Variants in NKAIN3 observed in about 807,000 individuals in gnomAD.
The protein encoded by NKAIN3 is sodium/potassium transporting ATPase interacting 3.
A neutral mutation model predicts 30.2 loss-of-function variants in NKAIN3; 25 were observed. The observed-to-expected ratio is 0.83, with a 90% CI of 0.60 to 1.16. NKAIN3 has a LOEUF of 1.16. Among genes scored for constraint, NKAIN3 ranks in the 50% most tolerant of loss-of-function variants. NKAIN3 has a pLI of 0.00. For synonymous variants in NKAIN3, 91 were observed against 89.6 expected (o/e 1.02, Z -0.09); for missense variants, 225 against 254.1 (o/e 0.89, Z 0.78).
chr8:62,293,343 A>T (rs941699105), intron 1 of NKAIN3, among the ~76,000 whole-genome samples: 1 of 152,110 alleles, frequency 6.6e-6, no homozygotes, highest in African/African-American at 2.4e-5. Context: ...CTTTTCTGCT[A>T]TGGTTTCTCT....
chr8:62,802,323 T>A (rs972009393), intron 4 of NKAIN3, among the ~76,000 whole-genome samples: 6 of 152,102 alleles, frequency 3.9e-5, no homozygotes, highest in African/African-American at 1.4e-4. Context: ...GTTGTCAGAT[T>A]CACCAAAGTT....
At chr8:62,906,217 G>C (rs60377311) in intron 4 of NKAIN3, among the ~76,000 whole-genome samples, 44,256 of 152,164 alleles carry the variant, frequency 0.29, 6,751 homozygotes, top group African/African-American at 0.36. Context: ...AACAGTAATA[G>C]ACTAATTTGT....
At chr8:62,685,448 T>G (rs901271524) in intron 3 of NKAIN3, among the ~76,000 whole-genome samples, 3 of 152,202 alleles carry the variant, frequency 2.0e-5, no homozygotes, top group Non-Finnish European at 4.4e-5. Flanking sequence ...AAGCTATAAT[T>G]TTTTACTTCT....
chr8:62,678,669 T>A (rs773100445), intron 3 of NKAIN3, among the ~76,000 whole-genome samples: 15 of 150,414 alleles, frequency 1.0e-4, no homozygotes, highest in Non-Finnish European at 2.1e-4. Flanking sequence ...ATTATATCAT[T>A]ACATTGATAA....
intron 1 of NKAIN3, among the ~76,000 whole-genome samples, chr8:62,410,500 C>T (rs547588308): frequency 6.6e-6 from 1 of 151,704 alleles, no homozygotes; most frequent in Non-Finnish European, 1.5e-5. Flanking sequence ...GGGTTAAGCT[C>T]TAAAATTATA....
chr8:62,828,743 C>A (rs1298142430), intron 4 of NKAIN3, among the ~76,000 whole-genome samples: 1 of 152,114 alleles, frequency 6.6e-6, no homozygotes, highest in East Asian at 1.9e-4. Flanking sequence ...TCTACCTTGA[C>A]ATGGAACACT....
chr8:62,878,755 T>G (rs1381320569), intron 4 of NKAIN3, among the ~76,000 whole-genome samples: 1 of 148,098 alleles, frequency 6.8e-6, no homozygotes, highest in Non-Finnish European at 1.5e-5. Flanking sequence ...AGTGAGAACA[T>G]GCGGTGTTTG....
At chr8:62,778,912 T>C (rs1817268163) in intron 4 of NKAIN3, among the ~76,000 whole-genome samples, 1 of 152,070 alleles carries the variant, frequency 6.6e-6, no homozygotes, top group Admixed American at 6.6e-5. Context: ...CCAAAGGCTC[T>C]TCAGTTAGCA....
intron 1 of NKAIN3, among the ~76,000 whole-genome samples, chr8:62,437,881 A>G (rs1210485093): frequency 6.6e-6 from 1 of 152,236 alleles, no homozygotes; most frequent in African/African-American, 2.4e-5. Context: ...AAAATTAAAA[A>G]TAATTTTAAA....
chr8:62,800,998 G>A (rs908345246), intron 4 of NKAIN3, among the ~76,000 whole-genome samples: 47 of 152,192 alleles, frequency 3.1e-4, no homozygotes, highest in Non-Finnish European at 6.0e-4. Context: ...CTACACCCAC[G>A]GAGTCTCACT....
intron 4 of NKAIN3, among the ~76,000 whole-genome samples, chr8:62,791,147 T>A (rs1309604055): frequency 6.6e-6 from 1 of 152,026 alleles, no homozygotes; most frequent in Non-Finnish European, 1.5e-5. Flanking sequence ...CAACCTAGAT[T>A]CAAAGGATGA....
At chr8:62,611,607 C>G (rs936320819) in intron 3 of NKAIN3, among the ~76,000 whole-genome samples, 25 of 152,196 alleles carry the variant, frequency 1.6e-4, no homozygotes, top group African/African-American at 6.0e-4. Flanking sequence ...CATGTTGTTG[C>G]AAATAACTGG....
At chr8:62,858,338 C>A (rs1172753029) in intron 4 of NKAIN3, among the ~76,000 whole-genome samples, 1 of 152,044 alleles carries the variant, frequency 6.6e-6, no homozygotes, top group East Asian at 1.9e-4. Context: ...GAAAAGTGAT[C>A]TAGTACCTGC....
At chr8:62,505,290 G>A (rs943136592) in intron 1 of NKAIN3, among the ~76,000 whole-genome samples, 1 of 152,094 alleles carries the variant, frequency 6.6e-6, no homozygotes. Context: ...GTATTGAAAA[G>A]CAACTAACAA....
At chr8:62,452,151 A>G (rs1301139967) in intron 1 of NKAIN3, among the ~76,000 whole-genome samples, 1 of 152,156 alleles carries the variant, frequency 6.6e-6, no homozygotes, top group East Asian at 1.9e-4. Context: ...TTTATATATT[A>G]AACCAAAAGT....
chr8:62,519,496 C>T (rs765452815), intron 1 of NKAIN3, among the ~76,000 whole-genome samples: 56 of 152,194 alleles, frequency 3.7e-4, no homozygotes, highest in Admixed American at 2.9e-3. Flanking sequence ...AGGGATTACA[C>T]GTATAGCATC....
intron 3 of NKAIN3, among the ~76,000 whole-genome samples, chr8:62,699,493 A>G (rs1461754150): frequency 8.5e-5 from 13 of 152,188 alleles, no homozygotes; most frequent in Admixed American, 8.5e-4. Context: ...AGCTAATTGG[A>G]CAAACTTGCA....
At chr8:62,795,463 G>C (rs1276496573) in intron 4 of NKAIN3, among the ~76,000 whole-genome samples, 1 of 152,156 alleles carries the variant, frequency 6.6e-6, no homozygotes, top group Non-Finnish European at 1.5e-5. Context: ...CAGCAGTGCT[G>C]TGCAGCACAA....
chr8:62,432,625 C>G (rs969948875), intron 1 of NKAIN3, among the ~76,000 whole-genome samples: 4 of 152,066 alleles, frequency 2.6e-5, no homozygotes, highest in African/African-American at 9.7e-5. Flanking sequence ...AAATCACTAT[C>G]TAAAGTGTAA....
Sources: allele counts gnomAD v4.1 joint callset (sites outside exome capture counted in the v4.1 genomes callset), GRCh38; gene constraint gnomAD v4.1.1; transcripts MANE v1.5; gene names NCBI Gene and HGNC (gene_info 2026-07-23, HGNC 2026-07-21).